Variants in CHST9 observed in about 807,000 individuals in gnomAD.
CHST9 encodes the protein carbohydrate sulfotransferase 9.
Under a neutral mutation model 44.4 loss-of-function variants are expected in CHST9, and 41 were observed. That is an observed-to-expected ratio of 0.92 (90% CI 0.72 to 1.20). The LOEUF (loss-of-function observed/expected upper bound fraction) is 1.20. CHST9 is among the 50% of genes most tolerant of loss of function. The pLI is 0.00. For synonymous variants in CHST9, 171 were observed against 178.4 expected (o/e 0.96, Z 0.33); for missense variants, 504 against 516.5 (o/e 0.98, Z 0.23).
chr18:27,121,697 A>C (rs2058375868), intron 2 of CHST9, among the ~76,000 whole-genome samples: 1 of 152,158 alleles, frequency 6.6e-6, no homozygotes, highest in Non-Finnish European at 1.5e-5. Context: ...ATGACACCAT[A>C]TGGAGGAAAG....
At position 27,177,384 on chromosome 18, in the gene CHST9, C is replaced by T. The variant is rs1164711867; in HGVS notation, c.-97+7752G>A. Among the ~76,000 whole-genome samples, 3 of 151,566 alleles carry T rather than the reference C, an allele frequency of 2.0e-5. No homozygotes were observed. In the East Asian group the frequency reaches 5.8e-4, roughly 29 times the overall value. On this transcript the variant is annotated intron_variant, in intron 1 of 5. Transcript: ENST00000618847. The stretch of plus-strand genomic sequence containing the variant: ...CATCACTATTTTACCTAAATCCTTA[C>T]AGACTATATTTGCTTAAAGTAAGCT...
rs555862692 is a variant in CHST9, at chr18:27,142,805, T to C, written c.5A>G (p.Gln2Arg). The change falls in exon 2 of 6, where the codon CAG becomes CGG. Residue 2 changes from glutamine to arginine, a missense_variant. Gln to Arg is a conservative substitution (Grantham distance 43). Coordinates refer to ENST00000618847, the MANE Select transcript of CHST9 (RefSeq NM_031422.6). ...GGGGTTCATGACCATTTCAGATGGC[T>C]GCATTTCTCCTTATTTCAGAATCTG... M[Q>R]PSEMVMNPKQ... 4 of 1,602,078 alleles carry C rather than the reference T, an allele frequency of 2.5e-6. No individual in the cohort carries two copies. In the South Asian group the frequency reaches 4.6e-5, roughly 18 times the overall value.
At position 27,000,705 on chromosome 18, in the gene CHST9, C is replaced by A. The variant is rs570854816; in HGVS notation, c.202+23411G>T. 7.9e-5 allele frequency among the ~76,000 whole-genome samples: 12 copies of A among 151,644 alleles called. No individual in the cohort carries two copies. In the East Asian group the frequency reaches 1.2e-3, roughly 15 times the overall value. On this transcript the variant is annotated intron_variant, in intron 4 of 5. Transcript: ENST00000618847. ...CTATCCAACCATCCTTTATCATATA[C>A]CACCATGGTAGAATATTTTGATCTC...
At chr18:26,989,584 G>A (rs573807029) in intron 4 of CHST9, among the ~76,000 whole-genome samples, 1 of 152,280 alleles carries the variant, frequency 6.6e-6, no homozygotes, top group Admixed American at 6.5e-5. Flanking sequence ...TTTTTCCCAA[G>A]AGAAATAAAA....
chr18:27,134,635 A>G (rs1198077597), intron 2 of CHST9, among the ~76,000 whole-genome samples: 1 of 152,228 alleles, frequency 6.6e-6, no homozygotes, highest in Non-Finnish European at 1.5e-5. Context: ...CCAGGGTCCT[A>G]CAGAGCATGG....
Position 27,091,738 on chromosome 18 carries a change from T to C in CHST9, c.122-43235A>G, listed in dbSNP as rs149420605. On this transcript the variant is annotated intron_variant, in intron 2 of 5. Transcript: ENST00000618847. ...TTTGTCATTGTTCCTGTTTATATGA[T>C]GGATTATGTTTATTGATTTGCATAT... Among the ~76,000 whole-genome samples the C allele has an allele frequency of 3.3e-5, 5 of 152,340 alleles. No homozygotes were observed. The East Asian group carries it at 9.6e-4, about 29-fold the overall frequency.
intron 4 of CHST9, among the ~76,000 whole-genome samples, chr18:26,967,357 G>A (rs1438464654): frequency 2.0e-5 from 3 of 152,110 alleles, no homozygotes; most frequent in African/African-American, 4.8e-5. Context: ...CTTTTTACAC[G>A]TGTAGTAGGG....
At chr18:27,021,761 T>G (rs531889885) in intron 4 of CHST9, among the ~76,000 whole-genome samples, 1 of 152,350 alleles carries the variant, frequency 6.6e-6, no homozygotes, top group South Asian at 2.1e-4. Context: ...ATACCATATC[T>G]TTAATGCTCT....
intron 1 of CHST9, among the ~76,000 whole-genome samples, chr18:27,172,160 C>T (rs1417638686): frequency 2.0e-5 from 3 of 152,038 alleles, no homozygotes; most frequent in Non-Finnish European, 2.9e-5. Flanking sequence ...AAATAGCTTC[C>T]AGCTAATAAT....
chr18:27,071,836 T>A (rs978857637), intron 2 of CHST9, among the ~76,000 whole-genome samples: 1 of 152,210 alleles, frequency 6.6e-6, no homozygotes, highest in Non-Finnish European at 1.5e-5. Context: ...ATTTTCATGA[T>A]TCCAAGACTG....
intron 1 of CHST9, among the ~76,000 whole-genome samples, chr18:27,148,215 A>G (rs1199967178): frequency 1.3e-5 from 2 of 151,902 alleles, no homozygotes; most frequent in Non-Finnish European, 2.9e-5. Flanking sequence ...TTATGGCTGC[A>G]TAGTATTCCA....
intron 5 of CHST9, among the ~76,000 whole-genome samples, chr18:26,938,547 A>G (rs1364330712): frequency 6.6e-6 from 1 of 152,204 alleles, no homozygotes; most frequent in Non-Finnish European, 1.5e-5. Context: ...CCATTTTGAT[A>G]AGAATAGTGC....
rs559751335 is a variant in CHST9, at chr18:27,162,165, T to C, written c.-96-19260A>G. Among the ~76,000 whole-genome samples, 1,203 of 152,270 alleles carry C rather than the reference T, an allele frequency of 7.9e-3. 19 individuals are homozygous for C. Among genetic ancestry groups the C allele is most frequent in the African/African-American group, 0.028 (1,144 of 41,538 alleles). ...ATCCTGTAATTATGATGTTAGCTGG[T>C]TATTTTGCTCATTAGTTGATGCAGT... On this transcript the variant is annotated intron_variant, in intron 1 of 5. Transcript: ENST00000618847.
chr18:27,062,730 C>T (rs942980439), intron 2 of CHST9, among the ~76,000 whole-genome samples: 10 of 152,118 alleles, frequency 6.6e-5, no homozygotes, highest in Non-Finnish European at 1.0e-4. Flanking sequence ...CTTGAGGAAT[C>T]GCCACACTGT....
In CHST9 at chr18:26,915,625, G is replaced by C. The variant is rs1143734; in HGVS notation, c.*634C>G. The C allele has an allele frequency of 0.86, 131,451 of 152,138 alleles. 57,169 individuals are homozygous for C. Among genetic ancestry groups the C allele is most frequent in the African/African-American group, 0.96 (40,054 of 41,548 alleles). The allele number at this position is 152,138 out of a possible 1,614,324, so 9.4% of individuals were successfully genotyped here. On this transcript the variant is annotated 3_prime_UTR_variant, in exon 6 of 6. Transcript: ENST00000618847. ...AAGTTTTTCTGGAAGAAGAAGGTTG[G>C]TTTTGTTGCTTTGATCTTAGCATGT...
At chr18:27,030,095 C>A (rs1040621142) in intron 3 of CHST9, among the ~76,000 whole-genome samples, 1 of 152,096 alleles carries the variant, frequency 6.6e-6, no homozygotes, top group Non-Finnish European at 1.5e-5. Context: ...TTGGCACTTC[C>A]CAAGTTATTT....
At chr18:27,136,358 T>A (rs966225542) in intron 2 of CHST9, among the ~76,000 whole-genome samples, 2 of 152,176 alleles carry the variant, frequency 1.3e-5, no homozygotes, top group African/African-American at 2.4e-5. Context: ...GAATGTGGTG[T>A]GGTCTGGAAG....
At chr18:27,179,887 T>C (rs1420507695) in intron 1 of CHST9, among the ~76,000 whole-genome samples, 1 of 152,124 alleles carries the variant, frequency 6.6e-6, no homozygotes, top group African/African-American at 2.4e-5. Context: ...ATTTTACTTA[T>C]TGACAATACG....
At chr18:27,160,922 T>G (rs1020643341) in intron 1 of CHST9, among the ~76,000 whole-genome samples, 2 of 152,232 alleles carry the variant, frequency 1.3e-5, no homozygotes, top group Non-Finnish European at 2.9e-5. Flanking sequence ...TATTCTCTGA[T>G]GGTAGTTTGT....
Sources: gnomAD v4.1 joint callset for allele counts (sites outside exome capture counted in the v4.1 genomes callset) on GRCh38, gnomAD v4.1.1 for gene constraint, MANE v1.5 for transcripts, NCBI Gene and HGNC (gene_info 2026-07-23, HGNC 2026-07-21) for gene names.